Variants in NT5C2 observed in about 807,000 individuals in gnomAD.
NT5C2 encodes 5'-nucleotidase, cytosolic II, also known as cytosolic purine 5'-nucleotidase.
In NT5C2, 58 loss-of-function variants were observed where a neutral mutation model predicts 76.1. The observed-to-expected ratio is 0.76, with a 90% CI of 0.62 to 0.95. The LOEUF is 0.95. NT5C2 is among the 40% of genes least tolerant of loss of function. The pLI, the probability that NT5C2 is intolerant of heterozygous loss-of-function variation, is 0.00. For synonymous variants in NT5C2, 229 were observed against 237.4 expected, an observed-to-expected ratio of 0.96 and a Z score of 0.32; for missense variants, 478 against 690.3, an observed-to-expected ratio of 0.69 and a Z score of 3.45.
chr10:103,190,847 T>G (rs748928400), intron 1 of NT5C2, among the ~76,000 whole-genome samples: 1 of 152,238 alleles, frequency 6.6e-6, no homozygotes, highest in Non-Finnish European at 1.5e-5. Context: ...CCAGGCATTG[T>G]TGACTACCGG....
intron 6 of NT5C2, among the ~76,000 whole-genome samples, chr10:103,104,000 T>C (rs967186374): frequency 1.3e-5 from 2 of 152,162 alleles, no homozygotes; most frequent in African/African-American, 2.4e-5. Context: ...ACCAAAGGCA[T>C]GTACCACCAT....
chr10:103,164,084 A>G (rs2085695197), intron 3 of NT5C2, among the ~76,000 whole-genome samples: 1 of 151,948 alleles, frequency 6.6e-6, no homozygotes. Flanking sequence ...ACGAAAAATA[A>G]AAAATAAAAA....
At chr10:103,132,855 CTAAAG>C (rs1283838714) in intron 4 of NT5C2, among the ~76,000 whole-genome samples, 3 of 151,132 alleles carry the variant, frequency 2.0e-5, no homozygotes, top group African/African-American at 2.4e-5. Context: ...TGGCCGCGGT[CTAAAG>C]TAATTAAAAA....
chr10:103,168,924 T>C (rs2087079770), intron 3 of NT5C2, among the ~76,000 whole-genome samples: 1 of 152,224 alleles, frequency 6.6e-6, no homozygotes, highest in African/African-American at 2.4e-5. Flanking sequence ...TCCAAATAAA[T>C]GTCTTTAATG....
intron 4 of NT5C2, among the ~76,000 whole-genome samples, chr10:103,133,461 A>T (rs1454926990): frequency 6.6e-6 from 1 of 152,090 alleles, no homozygotes; most frequent in Non-Finnish European, 1.5e-5. Context: ...GGGTCTCACC[A>T]TGTTGGCCAG....
intron 1 of NT5C2, among the ~76,000 whole-genome samples, chr10:103,192,487 G>T (rs1456267868): frequency 6.6e-6 from 1 of 152,202 alleles, no homozygotes; most frequent in African/African-American, 2.4e-5. Context: ...GCCTCAGATC[G>T]GCATCTCGCC....
At chr10:103,166,817 TA>T (rs1452648715) in intron 3 of NT5C2, among the ~76,000 whole-genome samples, 1 of 152,044 alleles carries the variant, frequency 6.6e-6, no homozygotes, top group Non-Finnish European at 1.5e-5. Flanking sequence ...CATACTCAGC[TA>T]ATCTTTTTAC....
intron 3 of NT5C2, chr10:103,153,366 CTT>C (rs968409276): frequency 2.7e-5 from 34 of 1,248,220 alleles, no homozygotes; most frequent in Non-Finnish European, 3.1e-5. Flanking sequence ...TCACTGATCT[CTT>C]GAGAACTGTA....
chr10:103,140,039 C>T (rs538438906), intron 3 of NT5C2: 1 of 152,476 alleles, frequency 6.6e-6, no homozygotes, highest in Non-Finnish European at 1.5e-5. Context: ...TTACCTCAGC[C>T]TCCTGAGTAG....
chr10:103,153,397 A>G (rs1414530299), intron 3 of NT5C2: 2 of 1,172,138 alleles, frequency 1.7e-6, no homozygotes, highest in Non-Finnish European at 2.1e-6. Flanking sequence ...GTTAAAGCAC[A>G]GAGAACTCAG....
chr10:103,126,308 G>C (rs961998839), intron 4 of NT5C2, among the ~76,000 whole-genome samples: 1 of 152,148 alleles, frequency 6.6e-6, no homozygotes, highest in East Asian at 1.9e-4. Flanking sequence ...ATTGTAAATA[G>C]GCTTGGCAGG....
At position 103,093,325 on chromosome 10, in the gene NT5C2, G is replaced by A. The variant is rs1296726623; in HGVS notation, c.989-16C>T. Reference sequence around the variant, plus strand: ...TCAGAAGAACCTGAACCAACAGAGTGAACAATGAGAAAACTGTCCCTATAT... The same window carrying A: ...TCAGAAGAACCTGAACCAACAGAGTAAACAATGAGAAAACTGTCCCTATAT... On this transcript the variant is annotated splice_polypyrimidine_tract_variant and intron_variant, in intron 14 of 18. Coordinates refer to ENST00000404739, the MANE Select transcript of NT5C2 (RefSeq NM_001351169.2). 6.6e-7 allele frequency: 1 copy of A among 1,520,466 alleles called. No individual in the cohort carries two copies. The highest frequency in any genetic ancestry group is 1.4e-5 in the African/African-American group (1 of 70,888). The allele number at this position is 1,520,466 out of a possible 1,614,324, so 94.2% of individuals were successfully genotyped here.
At chr10:103,168,495 T>C (rs1487410419) in intron 3 of NT5C2, among the ~76,000 whole-genome samples, 1 of 152,218 alleles carries the variant, frequency 6.6e-6, no homozygotes, top group African/African-American at 2.4e-5. Flanking sequence ...ACTAAAAGAT[T>C]CTAGTATTAA....
At chr10:103,180,723 G>GA (rs201461182) in intron 2 of NT5C2, among the ~76,000 whole-genome samples, 63 of 141,530 alleles carry the variant, frequency 4.5e-4, no homozygotes, top group South Asian at 8.8e-4. Context: ...TGTCTCAAAA[G>GA]AAAAAAAAAA....
chr10:103,136,616 T>G (rs1244891915), intron 4 of NT5C2, among the ~76,000 whole-genome samples: 1 of 148,174 alleles, frequency 6.7e-6, no homozygotes, highest in Non-Finnish European at 1.5e-5. Flanking sequence ...AGAGACAGAT[T>G]CAGTTAATTA....
chr10:103,190,725 G>A (rs949082681), intron 1 of NT5C2, among the ~76,000 whole-genome samples: 1 of 152,158 alleles, frequency 6.6e-6, no homozygotes, highest in Admixed American at 6.6e-5. Context: ...TGCCTTTACT[G>A]CTCACGTCAC....
intron 4 of NT5C2, among the ~76,000 whole-genome samples, chr10:103,117,663 C>G (rs1305579828): frequency 1.3e-5 from 2 of 151,348 alleles, no homozygotes; most frequent in Non-Finnish European, 3.0e-5. Context: ...ACAACAACAA[C>G]AAACAATATG....
intron 3 of NT5C2, among the ~76,000 whole-genome samples, chr10:103,142,713 G>A (rs1389319660): frequency 6.6e-6 from 1 of 151,830 alleles, no homozygotes. Flanking sequence ...GGCCAGGCAC[G>A]GTGGCTCACG....
intron 6 of NT5C2, among the ~76,000 whole-genome samples, chr10:103,102,165 G>T (rs1175979655): frequency 6.6e-6 from 1 of 152,144 alleles, no homozygotes; most frequent in Non-Finnish European, 1.5e-5. Context: ...ATGCAATTTT[G>T]TGGCTCCTCC....
Sources: allele counts gnomAD v4.1 joint callset (sites outside exome capture counted in the v4.1 genomes callset), GRCh38; gene constraint gnomAD v4.1.1; transcripts MANE v1.5; gene names NCBI Gene and HGNC (gene_info 2026-07-23, HGNC 2026-07-21).